NOL10: variants seen among roughly 807,000 people sequenced by gnomAD.
NOL10 encodes the protein H_NH0074G24.1.
In NOL10, 58 loss-of-function variants were observed where a neutral mutation model predicts 103.5. That is an observed-to-expected ratio of 0.56 (90% confidence interval 0.45 to 0.70). NOL10 has a LOEUF of 0.70. Ranked by LOEUF, NOL10 falls within the 30% of genes least tolerant of loss-of-function variation. The probability of loss-of-function intolerance (pLI) is 0.00; values close to 1 mark genes in which losing one functional copy is unlikely to be tolerated. For missense variants in NOL10, 763 were observed against 807.3 expected (o/e 0.95, Z 0.67); for synonymous variants, 287 against 282.5 (o/e 1.02, Z -0.16).
At chr2:10,669,761 G>A (rs567638379) in intron 6 of NOL10, among the ~76,000 whole-genome samples, 7 of 151,774 alleles carry the variant, frequency 4.6e-5, no homozygotes, top group African/African-American at 1.7e-4. Context: ...GCGTGGCGGC[G>A]CATGCCTGTA....
rs1271995695 is a variant in NOL10 at position 10,587,054 on chromosome 2, TAC to T, written c.1844+1987_1844+1988del. On this transcript the variant is annotated intron_variant, in intron 19 of 20. Coordinates refer to ENST00000381685, the MANE Select transcript of NOL10 (RefSeq NM_024894.4). ...ACAAAAAGTTAAATGTATATATATA[TAC>T]ATATATATATACATATATATACATA... Among the ~76,000 whole-genome samples the T allele has an allele frequency of 5.3e-3, 261 of 49,642 alleles. 24 individuals carry two copies. Among genetic ancestry groups the T allele is most frequent in the African/African-American group, 6.6e-3 (93 of 14,056 alleles). The allele number at this position is 49,642 out of a possible 152,430, so 32.6% of individuals were successfully genotyped here. A position where few individuals can be genotyped will look rare whatever the true frequency, so the allele number is the denominator to read the frequency against.
chr2:10,670,032 G>C (rs1680825881), intron 6 of NOL10, among the ~76,000 whole-genome samples: 1 of 152,064 alleles, frequency 6.6e-6, no homozygotes, highest in Non-Finnish European at 1.5e-5. Context: ...GGGAAACATA[G>C]TGAGACCCCA....
At chr2:10,575,531 G>C (rs1674410891) in intron 20 of NOL10, among the ~76,000 whole-genome samples, 1 of 152,148 alleles carries the variant, frequency 6.6e-6, no homozygotes, top group African/African-American at 2.4e-5. Context: ...GCTTGATTCA[G>C]TTATGAGGCC....
At chr2:10,618,622 T>C (rs899105492) in intron 13 of NOL10, among the ~76,000 whole-genome samples, 2 of 152,194 alleles carry the variant, frequency 1.3e-5, no homozygotes, top group Admixed American at 6.5e-5. Context: ...AAAATGAGGT[T>C]CCAGGAAGGC....
chr2:10,674,689 T>A (rs1012988361), intron 4 of NOL10, among the ~76,000 whole-genome samples: 2 of 151,802 alleles, frequency 1.3e-5, no homozygotes, highest in African/African-American at 4.8e-5. Flanking sequence ...ATACCAAAAT[T>A]AGCTGGGTGT....
At chr2:10,662,203 G>T (rs866178947) in intron 9 of NOL10, among the ~76,000 whole-genome samples, 2 of 152,178 alleles carry the variant, frequency 1.3e-5, no homozygotes, top group Non-Finnish European at 2.9e-5. Flanking sequence ...TATTAAATAA[G>T]TTAATATATG....
intron 19 of NOL10, among the ~76,000 whole-genome samples, chr2:10,580,879 T>C (rs1048475396): frequency 1.3e-5 from 2 of 152,080 alleles, no homozygotes; most frequent in African/African-American, 4.8e-5. Flanking sequence ...GAAGAGTTAA[T>C]TAACTCTAAT....
chr2:10,660,285 A>G (rs1481557186), intron 9 of NOL10, among the ~76,000 whole-genome samples: 1 of 152,048 alleles, frequency 6.6e-6, no homozygotes, highest in Non-Finnish European at 1.5e-5. Flanking sequence ...CAGTATAGTG[A>G]TATACTTCTC....
intron 14 of NOL10, among the ~76,000 whole-genome samples, chr2:10,603,634 C>T (rs1676101475): frequency 6.6e-6 from 1 of 152,148 alleles, no homozygotes; most frequent in African/African-American, 2.4e-5. Context: ...TTCCTACCAC[C>T]ATATATAAAC....
intron 12 of NOL10, among the ~76,000 whole-genome samples, chr2:10,646,681 C>T (rs980146585): frequency 5.9e-5 from 9 of 152,198 alleles, no homozygotes; most frequent in Non-Finnish European, 7.3e-5. Context: ...GCATGAGCAT[C>T]GCGCCAGGCA....
intron 4 of NOL10, among the ~76,000 whole-genome samples, chr2:10,675,026 G>GACT (rs1416950508): frequency 6.6e-6 from 1 of 151,830 alleles, no homozygotes; most frequent in Non-Finnish European, 1.5e-5. Context: ...AACATGGCTA[G>GACT]ACTCCATCTC....
chr2:10,601,080 T>C, intron 16 of NOL10, 138 bp from the exon 17 acceptor site: 1 of 543,746 alleles, frequency 1.8e-6, no homozygotes, highest in Non-Finnish European at 3.1e-6. Flanking sequence ...TATTTTTTTT[T>C]TGAGATGGAG....
chr2:10,648,252 T>C (rs753042496), intron 12 of NOL10, among the ~76,000 whole-genome samples: 1 of 151,964 alleles, frequency 6.6e-6, no homozygotes, highest in Non-Finnish European at 1.5e-5. Flanking sequence ...CCAAAATGAG[T>C]AAGTGAAAAG....
intron 17 of NOL10, among the ~76,000 whole-genome samples, chr2:10,596,206 T>G (rs1255963750): frequency 7.5e-6 from 1 of 133,862 alleles, no homozygotes; most frequent in Non-Finnish European, 1.6e-5. Flanking sequence ...TCCTCAACCT[T>G]TTTGGCACCA....
intron 13 of NOL10, among the ~76,000 whole-genome samples, chr2:10,643,577 AG>A (rs1160146921): frequency 6.6e-6 from 1 of 152,202 alleles, no homozygotes; most frequent in African/African-American, 2.4e-5. Flanking sequence ...AGGGAAAAAA[AG>A]GTTTTTTTGG....
At chr2:10,629,418 T>C (rs1677691265) in intron 13 of NOL10, among the ~76,000 whole-genome samples, 1 of 152,120 alleles carries the variant, frequency 6.6e-6, no homozygotes, top group Admixed American at 6.5e-5. Context: ...AAGAAATGTT[T>C]AGTGGGAAAA....
rs147915221 is a variant in NOL10 at position 10,615,022 on chromosome 2, T to C, written c.1027-7711A>G. Among the ~76,000 whole-genome samples, 750 of 152,362 alleles carry C rather than the reference T, an allele frequency of 4.9e-3. 3 individuals are homozygous for C. Among genetic ancestry groups the C allele is most frequent in the African/African-American group, 0.016 (676 of 41,588 alleles). On this transcript the variant is annotated intron_variant, in intron 13 of 20. Transcript: ENST00000381685. ...TCAAATTCTGACAGCTGAGGCTTAATAAATGATCATAAACCCAAGAGAACA... is the reference window on the plus strand; with the variant it reads ...TCAAATTCTGACAGCTGAGGCTTAACAAATGATCATAAACCCAAGAGAACA...
In NOL10 at chr2:10,689,757, C is replaced by G. The variant is rs1682497183; in HGVS notation, c.66+39G>C. 2.5e-6 allele frequency: 4 copies of G among 1,572,236 alleles called. No individual in the cohort carries two copies. The African/African-American group carries it at 5.4e-5, about 21-fold the overall frequency. ...GGCTGCCCCACGAGGAGGACGACCC[C>G]CAAGAGCTCGAGAGTGAGGGGGCCG... On this transcript the variant is annotated intron_variant, in intron 1 of 20. Coordinates refer to ENST00000381685, the MANE Select transcript of NOL10 (RefSeq NM_024894.4).
chr2:10,676,605 T>G (rs1681325411), intron 3 of NOL10, among the ~76,000 whole-genome samples: 1 of 151,838 alleles, frequency 6.6e-6, no homozygotes, highest in African/African-American at 2.4e-5. Context: ...GATCCCAATT[T>G]TGTACAATGA....
Sources: allele counts gnomAD v4.1 joint callset (sites outside exome capture counted in the v4.1 genomes callset), GRCh38; gene constraint gnomAD v4.1.1; transcripts MANE v1.5; gene names NCBI Gene and HGNC (gene_info 2026-07-23, HGNC 2026-07-21).